The following SAMMSON variants were observed in gnomAD, a reference collection of about 807,000 sequenced individuals.
SAMMSON encodes the protein survival associated mitochondrial melanoma specific oncogenic non-coding RNA.
chr3:70,331,399 C>T (rs542455161), intron 7 of SAMMSON, among the ~76,000 whole-genome samples: 17 of 152,274 alleles, frequency 1.1e-4, no homozygotes, highest in African/African-American at 4.1e-4. Context: ...TTTTCTGTTT[C>T]TCTCTTATCA....
At chr3:70,286,193 T>C (rs1055143805) in intron 6 of SAMMSON, among the ~76,000 whole-genome samples, 6 of 152,234 alleles carry the variant, frequency 3.9e-5, no homozygotes, top group Non-Finnish European at 7.3e-5. Context: ...TGGTTTTAGG[T>C]CTAAAGTTTA....
chr3:70,192,974 C>G (rs1185925209), intron 4 of SAMMSON, among the ~76,000 whole-genome samples: 1 of 152,088 alleles, frequency 6.6e-6, no homozygotes, highest in Non-Finnish European at 1.5e-5. Context: ...TGTTTAGCAA[C>G]ATTTCTGGCT....
intron 6 of SAMMSON, among the ~76,000 whole-genome samples, chr3:70,282,916 T>A (rs1420274093): frequency 7.9e-5 from 12 of 152,070 alleles, no homozygotes; most frequent in Admixed American, 7.9e-4. Context: ...GATGAAATAG[T>A]AAAAGGGGTA....
chr3:70,216,731 C>T (rs767975523), intron 4 of SAMMSON, among the ~76,000 whole-genome samples: 27 of 152,140 alleles, frequency 1.8e-4, no homozygotes, highest in Admixed American at 4.6e-4. Flanking sequence ...CTGGGTGAGG[C>T]AGGCCTTCCC....
At chr3:70,170,579 C>CTTTTTTTTTTTTTTTTTTT (rs538385626) in intron 4 of SAMMSON, among the ~76,000 whole-genome samples, 10 of 105,490 alleles carry the variant, frequency 9.5e-5, no homozygotes, top group African/African-American at 1.4e-4. Flanking sequence ...CTAGATTTTC[C>CTTTTTTTTTTTTTTTTTTT]TTTTTTTTTT....
intron 4 of SAMMSON, among the ~76,000 whole-genome samples, chr3:70,152,843 C>T (rs1559524271): frequency 6.6e-6 from 1 of 151,996 alleles, no homozygotes; most frequent in East Asian, 1.9e-4. Flanking sequence ...AATATGGGGG[C>T]GTTCCAGGGG....
intron 4 of SAMMSON, among the ~76,000 whole-genome samples, chr3:70,155,749 C>T (rs1182406297): frequency 2.0e-5 from 3 of 151,996 alleles, no homozygotes; most frequent in African/African-American, 7.2e-5. Flanking sequence ...CAGTCTCTCT[C>T]TTTCTTTGTT....
intron 6 of SAMMSON, among the ~76,000 whole-genome samples, chr3:70,289,148 C>G: frequency 6.6e-6 from 1 of 150,806 alleles, no homozygotes; most frequent in Non-Finnish European, 1.5e-5. Flanking sequence ...CAGTTTCTTC[C>G]TAGTCTCGAT....
chr3:70,007,269 G>A (rs980249839), intron 1 of SAMMSON, among the ~76,000 whole-genome samples: 3 of 152,178 alleles, frequency 2.0e-5, no homozygotes, highest in African/African-American at 7.2e-5. Context: ...CAACAACAGT[G>A]TAAAAGTGTT....
At chr3:70,040,787 G>C (rs555276241) in intron 3 of SAMMSON, among the ~76,000 whole-genome samples, 1 of 152,218 alleles carries the variant, frequency 6.6e-6, no homozygotes, top group East Asian at 1.9e-4. Context: ...ATGGAATCCA[G>C]GGGAAAATGA....
At chr3:70,271,429 T>C (rs1333124283) in intron 6 of SAMMSON, among the ~76,000 whole-genome samples, 2 of 152,192 alleles carry the variant, frequency 1.3e-5, no homozygotes, top group Admixed American at 6.5e-5. Context: ...AGATTCAGTA[T>C]CATCAAATCT....
chr3:70,403,063 T>G (rs1226380176), intron 2 of SAMMSON, among the ~76,000 whole-genome samples: 1 of 152,140 alleles, frequency 6.6e-6, no homozygotes, highest in Non-Finnish European at 1.5e-5. Context: ...AATAAATAAT[T>G]TCTTTTGCTA....
chr3:70,002,709 T>C (rs560344730), intron 1 of SAMMSON, among the ~76,000 whole-genome samples: 1 of 152,320 alleles, frequency 6.6e-6, no homozygotes, highest in East Asian at 1.9e-4. Context: ...ATTTAGTTGC[T>C]AGAGGTCAGA....
At chr3:70,059,483 G>A (rs2067179627) in intron 3 of SAMMSON, among the ~76,000 whole-genome samples, 1 of 152,014 alleles carries the variant, frequency 6.6e-6, no homozygotes, top group South Asian at 2.1e-4. Context: ...GAGAACCAGG[G>A]GGAACTAATC....
chr3:70,338,545 C>T (rs542318067), intron 7 of SAMMSON, among the ~76,000 whole-genome samples: 2 of 152,264 alleles, frequency 1.3e-5, no homozygotes, highest in Admixed American at 6.5e-5. Flanking sequence ...TAAGCAACTC[C>T]AGCAAAGTCT....
At chr3:70,416,985 T>A (rs1226997541) in intron 2 of SAMMSON, among the ~76,000 whole-genome samples, 2 of 152,032 alleles carry the variant, frequency 1.3e-5, no homozygotes, top group African/African-American at 4.8e-5. Flanking sequence ...GACTCTACCC[T>A]CTTCCCCTCC....
chr3:70,079,201 G>A (rs980104604), intron 4 of SAMMSON, among the ~76,000 whole-genome samples: 4 of 152,302 alleles, frequency 2.6e-5, no homozygotes, highest in African/African-American at 7.2e-5. Flanking sequence ...GTTTCTCTAT[G>A]AGTCTCTGGC....
intron 3 of SAMMSON, among the ~76,000 whole-genome samples, chr3:70,021,639 C>T (rs181012226): frequency 2.0e-3 from 311 of 152,178 alleles, no homozygotes; most frequent in African/African-American, 7.2e-3. Context: ...TTCAGTGGAA[C>T]GGCTCAAAGA....
intron 7 of SAMMSON, among the ~76,000 whole-genome samples, chr3:70,313,494 AG>A (rs1702473305): frequency 6.6e-6 from 1 of 151,872 alleles, no homozygotes; most frequent in Non-Finnish European, 1.5e-5. Context: ...AAAAAAAAAA[AG>A]GAAAAGAAAA....
Sources: gnomAD v4.1 joint callset for allele counts (sites outside exome capture counted in the v4.1 genomes callset) on GRCh38, gnomAD v4.1.1 for gene constraint, MANE v1.5 for transcripts, NCBI Gene and HGNC (gene_info 2026-07-23, HGNC 2026-07-21) for gene names.